Variants in PARP11 observed in about 807,000 individuals in gnomAD.
PARP11 encodes the protein poly(ADP-ribose) polymerase family member 11.
PARP11 carries 31 observed loss-of-function variants against 42.9 expected under a neutral mutation model. The observed-to-expected ratio is 0.72, with a 90% confidence interval of 0.54 to 0.98. PARP11 has a LOEUF of 0.98. Among genes scored for constraint, PARP11 ranks in the 50% least tolerant of loss-of-function variants. PARP11 has a pLI of 0.00. For synonymous variants in PARP11, 137 were observed against 127.3 expected (o/e 1.08, Z -0.51); for missense variants, 365 against 413.1 (o/e 0.88, Z 1.01).
intron 1 of PARP11, chr12:3,841,478 C>T: frequency 6.8e-7 from 1 of 1,467,608 alleles, no homozygotes; most frequent in South Asian, 1.1e-5. Flanking sequence ...GCCCACTTTC[C>T]TATGCAGACT....
intron 1 of PARP11, among the ~76,000 whole-genome samples, chr12:3,868,769 C>T (rs771976427): frequency 5.9e-5 from 9 of 152,186 alleles, no homozygotes; most frequent in Non-Finnish European, 8.8e-5. Flanking sequence ...TTCGTCTCTA[C>T]CCTGGACTAC....
At position 3,854,813 on chromosome 12, in the gene PARP11, C is replaced by T. The variant is rs187936943; in HGVS notation, c.18+18399G>A. 2.5e-4 allele frequency among the ~76,000 whole-genome samples: 38 copies of T among 152,094 alleles called. No homozygotes were observed. In the East Asian group the frequency reaches 6.8e-3, roughly 27 times the overall value. The stretch of plus-strand genomic sequence containing the variant: ...GCATCACCCTGATACCAAAGCCTGG[C>T]AGAGAAACAACAAAAAAAAAGAGAA... On this transcript the variant is annotated intron_variant, in intron 1 of 7. Transcript: ENST00000228820.
intron 1 of PARP11, among the ~76,000 whole-genome samples, chr12:3,830,843 G>A (rs1263359032): frequency 1.3e-5 from 2 of 152,174 alleles, no homozygotes; most frequent in East Asian, 1.9e-4. Flanking sequence ...CCTGGCTTCA[G>A]GGTCTACGCA....
chr12:3,835,246 A>G (rs1007293447), intron 1 of PARP11, among the ~76,000 whole-genome samples: 35 of 152,240 alleles, frequency 2.3e-4, no homozygotes, highest in South Asian at 1.2e-3. Context: ...ACCAGTACAT[A>G]GTCTATGCCA....
chr12:3,834,232 TG>T (rs1947708069), intron 1 of PARP11, among the ~76,000 whole-genome samples: 1 of 152,166 alleles, frequency 6.6e-6, no homozygotes, highest in African/African-American at 2.4e-5. Flanking sequence ...ATGGAGACTT[TG>T]CTCAGGGGTA....
chr12:3,838,474 C>T (rs891091014), intron 1 of PARP11, among the ~76,000 whole-genome samples: 5 of 151,888 alleles, frequency 3.3e-5, no homozygotes, highest in African/African-American at 1.2e-4. Flanking sequence ...AAGTTTATAG[C>T]AATAAACAGC....
At chr12:3,868,008 G>A (rs1174678913) in intron 1 of PARP11, among the ~76,000 whole-genome samples, 1 of 152,038 alleles carries the variant, frequency 6.6e-6, no homozygotes, top group Non-Finnish European at 1.5e-5. Flanking sequence ...TATAATTGTG[G>A]CACAACATTT....
chr12:3,822,777 T>G (rs941292980), intron 4 of PARP11, among the ~76,000 whole-genome samples: 4 of 152,132 alleles, frequency 2.6e-5, no homozygotes, highest in Non-Finnish European at 5.9e-5. Context: ...TAAAGAAGAT[T>G]TTAGGCAAAG....
chr12:3,819,921 G>A (rs576241986), intron 6 of PARP11, among the ~76,000 whole-genome samples: 43 of 152,168 alleles, frequency 2.8e-4, no homozygotes, highest in South Asian at 1.7e-3. Flanking sequence ...AATTTTCTGC[G>A]CTCCCTCTTA....
Position 3,813,268 on chromosome 12 carries a change from G to A in PARP11, c.700+769C>T, listed in dbSNP as rs571841301. On this transcript the variant is annotated intron_variant, in intron 7 of 7. Coordinates refer to ENST00000228820, the MANE Select transcript of PARP11 (RefSeq NM_020367.6). The stretch of plus-strand genomic sequence containing the variant: ...AAGAAACCGTATTTCTATGATATGG[G>A]ATAACAATTCAGTAATATTTCTGGA... Among the ~76,000 whole-genome samples, 307 of 152,250 alleles carry A rather than the reference G, an allele frequency of 2.0e-3. 2 individuals are homozygous for A. The highest frequency in any genetic ancestry group is 4.1e-3 in the Admixed American group (63 of 15,294).
intron 7 of PARP11, 30 bp downstream of exon 7, chr12:3,814,007 T>C: frequency 6.6e-7 from 1 of 1,515,518 alleles, no homozygotes; most frequent in Non-Finnish European, 8.9e-7. Flanking sequence ...CTCCTGGGGC[T>C]CAAATTGGAC....
Position 3,826,231 on chromosome 12 carries a change from T to C in PARP11, c.271A>G (p.Met91Val), listed in dbSNP as rs1947520415. The change falls in exon 4 of 8, where the codon ATG (methionine) becomes GTG (valine). Residue 91 changes from methionine (M) to valine (V), a missense_variant and splice_region_variant. By Grantham distance (21) the Met-to-Val change is conservative (BLOSUM62 1). Transcript: ENST00000228820. ...KFSYKIDFAE[M>V]KQMNLTTGKQ... ...CCAGTGGTGAGATTCATTTGCTTCA[T>C]TTCTGTATACAAAGACAAGATATTA... 1.3e-6 allele frequency: 2 copies of C among 1,585,700 alleles called. No individual in the cohort carries two copies. The highest frequency in any genetic ancestry group is 1.2e-5 in the South Asian group (1 of 86,008).
At chr12:3,867,829 G>C (rs973646469) in intron 1 of PARP11, among the ~76,000 whole-genome samples, 3 of 152,190 alleles carry the variant, frequency 2.0e-5, no homozygotes, top group Admixed American at 2.0e-4. Flanking sequence ...ATTCAGGCTG[G>C]TTGAAACATT....
chr12:3,821,170 A>G (rs1404258981), intron 6 of PARP11, among the ~76,000 whole-genome samples: 1 of 152,228 alleles, frequency 6.6e-6, no homozygotes, highest in Non-Finnish European at 1.5e-5. Context: ...CTCTGAATAA[A>G]AAGTTAAAAG....
At chr12:3,851,506 G>T (rs966195940) in intron 1 of PARP11, among the ~76,000 whole-genome samples, 16 of 152,368 alleles carry the variant, frequency 1.1e-4, no homozygotes, top group Non-Finnish European at 2.1e-4. Flanking sequence ...CTTGCTCACT[G>T]CTAGCGCAGC....
At chr12:3,863,520 C>T (rs1400007158) in intron 1 of PARP11, among the ~76,000 whole-genome samples, 1 of 152,092 alleles carries the variant, frequency 6.6e-6, no homozygotes, top group African/African-American at 2.4e-5. Flanking sequence ...TAAGACAACC[C>T]TCAGGGTTGA....
rs114697630 is a variant in PARP11, at chr12:3,834,910, G to A, written c.19-4892C>T. Among the ~76,000 whole-genome samples, 744 of 152,128 alleles carry A rather than the reference G, an allele frequency of 4.9e-3. 4 individuals are homozygous for A. Among genetic ancestry groups the A allele is most frequent in the African/African-American group, 0.016 (673 of 41,486 alleles). ...CTATACACGTACCCACTGACAGAGC[G>A]GAGAAACTTCATTGGCACAAGGGTC... On this transcript the variant is annotated intron_variant, in intron 1 of 7. Coordinates refer to ENST00000228820, the MANE Select transcript of PARP11 (RefSeq NM_020367.6).
Position 3,811,381 on chromosome 12 carries a change from G to C in PARP11, c.*742C>G, listed in dbSNP as rs1947174958. ...TAAACACCTTGCACAGCAAGTCGTG[G>C]TGTAAGAATCCAAGAGCCCTGATGG... On this transcript the variant is annotated 3_prime_UTR_variant, in exon 8 of 8. Coordinates refer to ENST00000228820, the MANE Select transcript of PARP11 (RefSeq NM_020367.6). The C allele has an allele frequency of 1.3e-5, 2 of 152,224 alleles. No individual in the cohort carries two copies. The highest frequency in any genetic ancestry group is 2.9e-5 in the Non-Finnish European group (2 of 68,034). 9.4% of individuals were successfully genotyped at this position (152,224 alleles called of 1,614,324 possible). A position where few individuals can be genotyped will look rare whatever the true frequency, so the allele number is the denominator to read the frequency against.
intron 1 of PARP11, among the ~76,000 whole-genome samples, chr12:3,868,422 T>G (rs1948425555): frequency 2.0e-5 from 3 of 152,218 alleles, no homozygotes; most frequent in South Asian, 4.1e-4. Flanking sequence ...ATCATGCCAC[T>G]GCACTCCAGC....
Sources: allele counts gnomAD v4.1 joint callset (sites outside exome capture counted in the v4.1 genomes callset), GRCh38; gene constraint gnomAD v4.1.1; transcripts MANE v1.5; gene names NCBI Gene and HGNC (gene_info 2026-07-23, HGNC 2026-07-21).